ACSS3: variants seen among roughly 807,000 people sequenced by gnomAD.
ACSS3 encodes the protein acyl-CoA synthetase short chain family member 3, also known as acyl-CoA synthetase short-chain family member 3, mitochondrial.
Under a neutral mutation model 84.2 loss-of-function variants are expected in ACSS3, and 64 were observed. That is an observed-to-expected ratio of 0.76 (90% CI 0.62 to 0.94). ACSS3 has a LOEUF of 0.94. Among genes scored for constraint, ACSS3 ranks in the 40% least tolerant of loss-of-function variants. ACSS3 has a pLI of 0.00. For missense variants in ACSS3, 815 were observed against 867.6 expected (o/e 0.94, Z 0.76); for synonymous variants, 317 against 310.1 (o/e 1.02, Z -0.23).
intron 13 of ACSS3, among the ~76,000 whole-genome samples, chr12:81,242,472 A>G (rs1249751436): frequency 6.7e-6 from 1 of 150,298 alleles, no homozygotes; most frequent in Non-Finnish European, 1.5e-5. Context: ...TATTCCAATC[A>G]ATAGAAAAAG....
At chr12:81,120,338 C>T (rs887420299) in intron 2 of ACSS3, among the ~76,000 whole-genome samples, 1 of 152,150 alleles carries the variant, frequency 6.6e-6, no homozygotes, top group African/African-American at 2.4e-5. Flanking sequence ...AAAAAATGTC[C>T]TTACAAGTGG....
intron 13 of ACSS3, among the ~76,000 whole-genome samples, chr12:81,252,737 G>C (rs1490716612): frequency 6.6e-6 from 1 of 152,016 alleles, no homozygotes. Context: ...TTCAACAGTG[G>C]GGATTATCTG....
At chr12:81,154,957 A>G (rs981831377) in intron 7 of ACSS3, among the ~76,000 whole-genome samples, 1 of 152,080 alleles carries the variant, frequency 6.6e-6, no homozygotes, top group Admixed American at 6.5e-5. Flanking sequence ...TAATTTCTTG[A>G]AAGTTTTCTC....
At chr12:81,182,690 A>T (rs957986274) in intron 8 of ACSS3, among the ~76,000 whole-genome samples, 2 of 152,198 alleles carry the variant, frequency 1.3e-5, no homozygotes, top group Non-Finnish European at 2.9e-5. Context: ...TATCTGTAAG[A>T]TTGTAACCAA....
chr12:81,199,226 T>C (rs1378871423), intron 8 of ACSS3, 115 bp from the exon 9 acceptor site: 2 of 846,212 alleles, frequency 2.4e-6, no homozygotes, highest in East Asian at 2.7e-5. Context: ...GTATTGGTTA[T>C]ATTGCTGTAT....
In ACSS3 at chr12:81,118,788, AT is replaced by A. The variant is rs535222107; in HGVS notation, c.456+9086del. On this transcript the variant is annotated intron_variant, in intron 2 of 15. Transcript: ENST00000548058. ...ACTGAATGCTTATTGTGTATTATTT[AT>A]TGATTTAGGCAGTGGGGCCATAAAG... 5.2e-4 allele frequency among the ~76,000 whole-genome samples: 79 copies of A among 152,320 alleles called. 1 individual carries two copies. The South Asian group carries it at 0.016, about 30-fold the overall frequency.
chr12:81,221,236 T>TTTA (rs2033095898), intron 11 of ACSS3, among the ~76,000 whole-genome samples: 1 of 152,098 alleles, frequency 6.6e-6, no homozygotes, highest in South Asian at 2.1e-4. Flanking sequence ...TTAGTCCCTC[T>TTTA]GATTAACATG....
intron 13 of ACSS3, among the ~76,000 whole-genome samples, chr12:81,246,968 C>CCTAT (rs1245109141): frequency 6.6e-6 from 1 of 151,990 alleles, no homozygotes; most frequent in African/African-American, 2.4e-5. Flanking sequence ...AAAGTTTGTA[C>CCTAT]CTATCTTCAG....
intron 13 of ACSS3, 111 bp downstream of exon 13, chr12:81,233,582 G>A (rs1240728309): frequency 7.3e-7 from 1 of 1,373,342 alleles, no homozygotes; most frequent in African/African-American, 1.4e-5. Flanking sequence ...TTCATTTGCA[G>A]CAGAGGCTAG....
chr12:81,257,508 C>A lies in ACSS3; in HGVS notation c.*2586C>A, dbSNP rs1015819615. 6.6e-6 allele frequency: 1 copy of A among 151,980 alleles called. No individual in the cohort carries two copies. The highest frequency in any genetic ancestry group is 6.6e-5 in the Admixed American group (1 of 15,236). 9.4% of individuals were successfully genotyped at this position (151,980 alleles called of 1,614,324 possible). A position where few individuals can be genotyped will look rare whatever the true frequency, so the allele number is the denominator to read the frequency against. Reference sequence around the variant, plus strand: ...GCTAGAATAAATTCTGTGAGGTCTTCGTTTGGTATTTTCATAGGATTTCTT... The same window carrying A: ...GCTAGAATAAATTCTGTGAGGTCTTAGTTTGGTATTTTCATAGGATTTCTT... On this transcript the variant is annotated 3_prime_UTR_variant, in exon 16 of 16. Coordinates refer to ENST00000548058, the MANE Select transcript of ACSS3 (RefSeq NM_024560.4).
intron 1 of ACSS3, among the ~76,000 whole-genome samples, chr12:81,082,506 A>G (rs1330423216): frequency 6.6e-6 from 1 of 152,162 alleles, no homozygotes; most frequent in Non-Finnish European, 1.5e-5. Flanking sequence ...CATTCCAGGG[A>G]AAGAAAATAG....
intron 5 of ACSS3, among the ~76,000 whole-genome samples, chr12:81,149,562 C>T (rs2135748806): frequency 6.6e-6 from 1 of 152,154 alleles, no homozygotes; most frequent in South Asian, 2.1e-4. Context: ...ATTATCTGAG[C>T]ATTTGAGAGG....
chr12:81,143,223 A>C lies in ACSS3; in HGVS notation c.897A>C (p.Thr299=). The change falls in exon 5 of 16, where the codon ACA becomes ACC. Residue 299 remains threonine, a synonymous_variant. Coordinates refer to ENST00000548058, the MANE Select transcript of ACSS3 (RefSeq NM_024560.4). ...AACACCCACTGTATATTCTTTACAC[A>C]TCTGGCACAACGGGGTTACCTAAGG... ...LSEHPLYILY[T]SGTTGLPKGV... is the part of the protein sequence containing the mutation. 2 of 1,603,404 alleles carry C rather than the reference A, an allele frequency of 1.2e-6. No homozygotes were observed. Among genetic ancestry groups the C allele is most frequent in the Non-Finnish European group, 1.7e-6 (2 of 1,172,890 alleles).
chr12:81,093,393 C>A (rs1362123101), intron 1 of ACSS3, among the ~76,000 whole-genome samples: 1 of 151,310 alleles, frequency 6.6e-6, no homozygotes, highest in Non-Finnish European at 1.5e-5. Context: ...ATGGAGGTTG[C>A]AGTGAGCCGA....
At chr12:81,216,314 G>T (rs918642929) in intron 9 of ACSS3, among the ~76,000 whole-genome samples, 2 of 151,596 alleles carry the variant, frequency 1.3e-5, no homozygotes, top group Non-Finnish European at 2.9e-5. Context: ...GTTGGAGGAG[G>T]GGGGAGGGAT....
chr12:81,127,756 A>G (rs958669740), intron 2 of ACSS3, among the ~76,000 whole-genome samples: 1 of 152,106 alleles, frequency 6.6e-6, no homozygotes, highest in Non-Finnish European at 1.5e-5. Context: ...TGATCACTGC[A>G]TTTTTACTAC....
At position 81,081,142 on chromosome 12, in the gene ACSS3, G is replaced by A. The variant is rs1448519148; in HGVS notation, c.311+2711G>A. Among the ~76,000 whole-genome samples the A allele has an allele frequency of 3.9e-5, 6 of 152,152 alleles. No individual in the cohort carries two copies. In the South Asian group the frequency reaches 1.0e-3, roughly 26 times the overall value. The stretch of plus-strand genomic sequence containing the variant: ...AAGTAAACTCCCCTCAGAACCCACA[G>A]GCTTATCAAAAGTCTCAGCATATAA... On this transcript the variant is annotated intron_variant, in intron 1 of 15. Transcript: ENST00000548058.
At chr12:81,162,470 T>C (rs866805641) in intron 7 of ACSS3, among the ~76,000 whole-genome samples, 4 of 152,152 alleles carry the variant, frequency 2.6e-5, no homozygotes, top group Non-Finnish European at 4.4e-5. Context: ...GGGGTTTTTA[T>C]GGTCTTCAGA....
At chr12:81,118,506 G>T (rs749086909) in intron 2 of ACSS3, among the ~76,000 whole-genome samples, 2 of 152,132 alleles carry the variant, frequency 1.3e-5, no homozygotes, top group Non-Finnish European at 2.9e-5. Flanking sequence ...ATCCCATTTG[G>T]CCATCAGCTG....
Sources: allele counts gnomAD v4.1 joint callset (sites outside exome capture counted in the v4.1 genomes callset), GRCh38; gene constraint gnomAD v4.1.1; transcripts MANE v1.5; gene names NCBI Gene and HGNC (gene_info 2026-07-23, HGNC 2026-07-21).